Variants in CMSS1 observed in about 807,000 individuals in gnomAD.
CMSS1 encodes the protein cms1 ribosomal small subunit homolog.
A neutral mutation model predicts 43.5 loss-of-function variants in CMSS1; 33 were observed. That is an observed-to-expected ratio of 0.76 (90% CI 0.57 to 1.01). The LOEUF is 1.01. Ranked by LOEUF, CMSS1 falls within the 50% of genes least tolerant of loss-of-function variation. The probability of loss-of-function intolerance (pLI) is 0.00; values close to 1 mark genes in which losing one functional copy is unlikely to be tolerated. For missense variants in CMSS1, 313 were observed against 326.4 expected, an observed-to-expected ratio of 0.96 and a Z score of 0.32; for synonymous variants, 115 against 117.2, an observed-to-expected ratio of 0.98 and a Z score of 0.12.
intron 1 of CMSS1, among the ~76,000 whole-genome samples, chr3:100,143,906 A>G (rs1049454807): frequency 6.6e-6 from 1 of 151,970 alleles, no homozygotes; most frequent in African/African-American, 2.4e-5. Flanking sequence ...CAATATTTTC[A>G]TATTATGTCT....
chr3:99,902,518 T>C (rs1706470087), intron 1 of CMSS1, among the ~76,000 whole-genome samples: 1 of 152,216 alleles, frequency 6.6e-6, no homozygotes, highest in Non-Finnish European at 1.5e-5. Flanking sequence ...TATCTAGCTG[T>C]CAGCTCATTC....
intron 1 of CMSS1, among the ~76,000 whole-genome samples, chr3:99,918,832 A>G (rs1576572423): frequency 1.3e-5 from 2 of 152,296 alleles, no homozygotes; most frequent in East Asian, 3.9e-4. Context: ...GTGGATCTCC[A>G]TTTTGTTCTG....
intron 8 of CMSS1, among the ~76,000 whole-genome samples, chr3:100,175,865 C>T (rs924357246): frequency 2.0e-5 from 3 of 152,188 alleles, no homozygotes; most frequent in African/African-American, 7.2e-5. Flanking sequence ...GCCTATTCAT[C>T]TCAACTTCCT....
intron 1 of CMSS1, among the ~76,000 whole-genome samples, chr3:99,845,249 C>G (rs1313086809): frequency 1.3e-5 from 2 of 152,114 alleles, no homozygotes; most frequent in Non-Finnish European, 2.9e-5. Context: ...GTGGCATCCT[C>G]CTGGGGAAAG....
chr3:100,173,354 A>G (rs2067125628), intron 8 of CMSS1, among the ~76,000 whole-genome samples: 2 of 152,206 alleles, frequency 1.3e-5, no homozygotes, highest in Admixed American at 6.5e-5. Context: ...TACCTCATTT[A>G]GCACTCACAG....
At chr3:99,881,885 A>G (rs1358614472) in intron 1 of CMSS1, among the ~76,000 whole-genome samples, 4 of 152,114 alleles carry the variant, frequency 2.6e-5, no homozygotes, top group African/African-American at 4.8e-5. Context: ...AGATTTTCCC[A>G]TGTAGATGTG....
intron 1 of CMSS1, among the ~76,000 whole-genome samples, chr3:100,045,523 C>T (rs1470337263): frequency 1.3e-5 from 2 of 151,994 alleles, no homozygotes; most frequent in Non-Finnish European, 2.9e-5. Context: ...TCCCTCCTCT[C>T]GCAAACACCT....
intron 1 of CMSS1, among the ~76,000 whole-genome samples, chr3:100,112,006 A>G (rs886414878): frequency 6.6e-6 from 1 of 152,200 alleles, no homozygotes; most frequent in African/African-American, 2.4e-5. Context: ...ATTCACTGTT[A>G]TAATCCCAAT....
rs57213563 is a variant in CMSS1 at position 99,835,317 on chromosome 3, G to A, written c.64+17274G>A. ...ATCTTTCTTTTTTAGAGTTCACCCA[G>A]AGACATTATCTGTTCTTTCCTGTTT... On this transcript the variant is annotated intron_variant, in intron 1 of 9. Transcript: ENST00000421999. Among the ~76,000 whole-genome samples, 929 of 152,248 alleles carry A rather than the reference G, an allele frequency of 6.1e-3. 4 individuals are homozygous for A. Among genetic ancestry groups the A allele is most frequent in the African/African-American group, 0.021 (889 of 41,540 alleles).
chr3:100,110,696 C>T (rs761220489), intron 1 of CMSS1, among the ~76,000 whole-genome samples: 3 of 152,188 alleles, frequency 2.0e-5, no homozygotes, highest in Non-Finnish European at 4.4e-5. Flanking sequence ...CTGCTCTGCT[C>T]AGCTCTGTAT....
Position 99,995,614 on chromosome 3 carries a change from C to T in CMSS1, c.65-151359C>T, listed in dbSNP as rs534805036. On this transcript the variant is annotated intron_variant, in intron 1 of 9. Coordinates refer to ENST00000421999, the MANE Select transcript of CMSS1 (RefSeq NM_032359.4). ...TGCCCTAGCAGAGGTTCTCTATGAG[C>T]GCCCTTCCCCTGCAGCAAACTTCTG... Among the ~76,000 whole-genome samples the T allele has an allele frequency of 3.4e-4, 52 of 152,330 alleles. No individual in the cohort carries two copies. In the South Asian group the frequency reaches 6.0e-3, roughly 18 times the overall value.
intron 1 of CMSS1, among the ~76,000 whole-genome samples, chr3:99,873,505 A>T (rs924163211): frequency 2.0e-5 from 3 of 152,042 alleles, no homozygotes; most frequent in African/African-American, 7.2e-5. Context: ...GAGGGGCTGT[A>T]TGTTTTTTTT....
chr3:100,044,886 C>G (rs899776059), intron 1 of CMSS1, among the ~76,000 whole-genome samples: 2 of 152,156 alleles, frequency 1.3e-5, no homozygotes, highest in Non-Finnish European at 2.9e-5. Context: ...ACTAGTGGCT[C>G]TCTGCTTTGG....
intron 1 of CMSS1, among the ~76,000 whole-genome samples, chr3:100,108,493 C>T (rs535597658): frequency 1.2e-4 from 18 of 152,198 alleles, no homozygotes; most frequent in African/African-American, 4.3e-4. Context: ...GAATTAGAAG[C>T]CAGTGATGCC....
chr3:99,906,704 G>A (rs1706628855), intron 1 of CMSS1, among the ~76,000 whole-genome samples: 1 of 152,082 alleles, frequency 6.6e-6, no homozygotes, highest in Non-Finnish European at 1.5e-5. Context: ...CCTCTTCCTG[G>A]GTATATGGCT....
intron 1 of CMSS1, among the ~76,000 whole-genome samples, chr3:99,838,297 C>T (rs957493318): frequency 1.2e-4 from 18 of 152,194 alleles, no homozygotes; most frequent in African/African-American, 4.3e-4. Flanking sequence ...CATTCATTAT[C>T]TCTTGTCACC....
chr3:100,030,958 G>A (rs1182918119), intron 1 of CMSS1, among the ~76,000 whole-genome samples: 1 of 152,146 alleles, frequency 6.6e-6, no homozygotes, highest in Non-Finnish European at 1.5e-5. Context: ...AAATCTATGA[G>A]ATATGAAGTC....
intron 1 of CMSS1, among the ~76,000 whole-genome samples, chr3:99,876,631 T>G (rs1354030932): frequency 6.6e-6 from 1 of 152,154 alleles, no homozygotes; most frequent in Non-Finnish European, 1.5e-5. Context: ...GAGACATCTC[T>G]GGGGGTGATT....
chr3:100,011,022 G>A (rs1239061948), intron 1 of CMSS1, among the ~76,000 whole-genome samples: 1 of 152,034 alleles, frequency 6.6e-6, no homozygotes, highest in Non-Finnish European at 1.5e-5. Context: ...ACACAATTTA[G>A]GAAGTACAAA....
Sources: allele counts gnomAD v4.1 joint callset (sites outside exome capture counted in the v4.1 genomes callset), GRCh38; gene constraint gnomAD v4.1.1; transcripts MANE v1.5; gene names NCBI Gene and HGNC (gene_info 2026-07-23, HGNC 2026-07-21).